Variants in SGTB observed in about 807,000 individuals in gnomAD.
SGTB encodes the protein small glutamine rich tetratricopeptide repeat co-chaperone beta, also known as small glutamine-rich tetratricopeptide repeat-containing protein beta.
SGTB carries 19 observed loss-of-function variants against 43.9 expected under a neutral mutation model. The ratio of observed to expected loss-of-function variants is 0.43; its 90% CI spans 0.30 to 0.63. The LOEUF is 0.63. Among genes scored for constraint, SGTB ranks in the 30% least tolerant of loss-of-function variants. SGTB has a pLI of 0.12. For missense variants in SGTB, 304 were observed against 358.9 expected, an observed-to-expected ratio of 0.85 and a Z score of 1.24; for synonymous variants, 116 against 117.3, an observed-to-expected ratio of 0.99 and a Z score of 0.07.
intron 6 of SGTB, 73 bp from the exon 7 acceptor site, chr5:65,680,867 CGTCT>C (rs1757383731): frequency 5.5e-6 from 8 of 1,462,930 alleles, no homozygotes; most frequent in Non-Finnish European, 7.4e-6. Flanking sequence ...CATCGTCAAA[CGTCT>C]GTCTGTCTTG....
chr5:65,667,953 CTTTTTTTTTTT>C lies in SGTB; in HGVS notation c.*2282_*2292del, dbSNP rs201934842. ...ATAATTAGTCTCTTAGTCTCTTTTT[CTTTTTTTTTTT>C]TTTTTTGAAATGGAGTCTTGCTCTG... On this transcript the variant is annotated 3_prime_UTR_variant, in exon 11 of 11. Coordinates refer to ENST00000381007, the MANE Select transcript of SGTB (RefSeq NM_019072.3). 2.1e-5 allele frequency: 3 copies of C among 140,178 alleles called. No individual in the cohort carries two copies. The highest frequency in any genetic ancestry group is 3.1e-5 in the Non-Finnish European group (2 of 64,742). The allele number at this position is 140,178 out of a possible 1,614,324, so 8.7% of individuals were successfully genotyped here.
chr5:65,707,935 C>G (rs2150720723), intron 4 of SGTB, among the ~76,000 whole-genome samples: 1 of 152,274 alleles, frequency 6.6e-6, no homozygotes, highest in South Asian at 2.1e-4. Context: ...CCTCACCTGG[C>G]TCCCGTCTAT....
At chr5:65,671,230 A>G (rs545446763) in intron 10 of SGTB, among the ~76,000 whole-genome samples, 6 of 152,242 alleles carry the variant, frequency 3.9e-5, no homozygotes, top group African/African-American at 1.4e-4. Context: ...TTGGGAAAAA[A>G]TGGGGGATTA....
intron 8 of SGTB, among the ~76,000 whole-genome samples, chr5:65,674,135 G>A (rs1396879640): frequency 6.6e-6 from 1 of 152,164 alleles, no homozygotes; most frequent in Middle Eastern, 3.2e-3. Flanking sequence ...GAGTTTGCAA[G>A]GTATTCAAAA....
At chr5:65,696,960 GTGAGT>G (rs1199389229) in intron 5 of SGTB, among the ~76,000 whole-genome samples, 27 of 152,290 alleles carry the variant, frequency 1.8e-4, no homozygotes, top group African/African-American at 5.8e-4. Flanking sequence ...GTTCATCCTA[GTGAGT>G]TGAGTATGTA....
rs1481159431 is a variant in SGTB, at chr5:65,678,689, C to T, written c.681+1805G>A. Among the ~76,000 whole-genome samples the T allele has an allele frequency of 2.0e-5, 3 of 152,174 alleles. 1 individual carries two copies. The highest frequency in any genetic ancestry group is 1.3e-4 in the Admixed American group (2 of 15,272). ...CAGAACAGAGAACCCAGAAATAAGACTGCACACTCACAACCATCTGATCTT... is the reference window on the plus strand; with the variant it reads ...CAGAACAGAGAACCCAGAAATAAGATTGCACACTCACAACCATCTGATCTT... On this transcript the variant is annotated intron_variant, in intron 8 of 10. Transcript: ENST00000381007.
rs767959941 is a variant in SGTB at position 65,720,736 on chromosome 5, G to A, written c.72C>T (p.Tyr24=). The change falls in exon 2 of 11, where the codon TAC becomes TAT. Residue 24 remains tyrosine, a synonymous_variant. Transcript: ENST00000381007. ...FLREQSQMDT[Y]TSDEQESLEV... is the part of the protein sequence containing the mutation. The stretch of plus-strand genomic sequence containing the variant: ...CCAAACTTTCTTGTTCATCCGAGGT[G>A]TAAGTGTCCATCTGACTTTGTTCCC... 1 of 1,614,002 alleles carries A rather than the reference G, an allele frequency of 6.2e-7. No individual in the cohort carries two copies. The highest frequency in any genetic ancestry group is 8.5e-7 in the Non-Finnish European group (1 of 1,179,964).
chr5:65,671,768 T>A (rs1757160701), intron 10 of SGTB, 147 bp downstream of exon 10: 2 of 699,534 alleles, frequency 2.9e-6, no homozygotes, highest in Non-Finnish European at 4.7e-6. Context: ...TTCATGAACT[T>A]CTTTCAGATT....
At chr5:65,696,237 G>A (rs1010420947) in intron 5 of SGTB, among the ~76,000 whole-genome samples, 6 of 152,118 alleles carry the variant, frequency 3.9e-5, no homozygotes, top group Non-Finnish European at 8.8e-5. Flanking sequence ...TCACCTAAGA[G>A]GCCTTCCAAA....
Position 65,665,958 on chromosome 5 carries a change from C to T in SGTB, c.*4288G>A, listed in dbSNP as rs954770256. On this transcript the variant is annotated 3_prime_UTR_variant, in exon 11 of 11. Coordinates refer to ENST00000381007, the MANE Select transcript of SGTB (RefSeq NM_019072.3). ...TTTTCAATGCATCATTATTTATTGC[C>T]ATAACAAATTGTTTGGTCCAAAATG... 17 of 152,550 alleles carry T rather than the reference C, an allele frequency of 1.1e-4. No individual in the cohort carries two copies. Among genetic ancestry groups the T allele is most frequent in the African/African-American group, 4.1e-4 (17 of 41,544 alleles). The allele number at this position is 152,550 out of a possible 1,614,324, so 9.4% of individuals were successfully genotyped here. A position where few individuals can be genotyped will look rare whatever the true frequency, so the allele number is the denominator to read the frequency against.
At position 65,716,876 on chromosome 5, in the gene SGTB, A is replaced by C. The variant is rs1758162335; in HGVS notation, c.101-3812T>G. ...GAAGCCGAATGATATCACCAAAGAAATGGGTATAGATAATGAAAAGAAGAG... is the reference window on the plus strand; with the variant it reads ...GAAGCCGAATGATATCACCAAAGAACTGGGTATAGATAATGAAAAGAAGAG... On this transcript the variant is annotated intron_variant, in intron 2 of 10. Coordinates refer to ENST00000381007, the MANE Select transcript of SGTB (RefSeq NM_019072.3). Among the ~76,000 whole-genome samples the C allele has an allele frequency of 2.0e-5, 3 of 152,156 alleles. No homozygotes were observed. In the South Asian group the frequency reaches 6.2e-4, roughly 31 times the overall value.
At chr5:65,710,369 C>A (rs1047810652) in intron 3 of SGTB, among the ~76,000 whole-genome samples, 1 of 152,036 alleles carries the variant, frequency 6.6e-6, no homozygotes, top group Non-Finnish European at 1.5e-5. Flanking sequence ...AAATTATTTG[C>A]GAAAATTGCC....
chr5:65,699,718 A>G (rs1467043117), intron 5 of SGTB, among the ~76,000 whole-genome samples: 1 of 152,206 alleles, frequency 6.6e-6, no homozygotes, highest in African/African-American at 2.4e-5. Context: ...TCAGCCTTCC[A>G]AAGTGCTGGG....
At chr5:65,694,668 G>T (rs1422088804) in intron 5 of SGTB, among the ~76,000 whole-genome samples, 2 of 151,880 alleles carry the variant, frequency 1.3e-5, no homozygotes, top group African/African-American at 2.4e-5. Context: ...GTGGAGACAG[G>T]GGTTTCACCA....
In SGTB at chr5:65,707,442, T is replaced by A. The variant is rs1027951836; in HGVS notation, c.274+1047A>T. On this transcript the variant is annotated intron_variant, in intron 4 of 10. Coordinates refer to ENST00000381007, the MANE Select transcript of SGTB (RefSeq NM_019072.3). ...CACACACACACACACACACATATAT[T>A]TTTTTTTTTTTGAGATGGAGTCTCC... Among the ~76,000 whole-genome samples the A allele has an allele frequency of 3.2e-3, 386 of 121,790 alleles. 4 individuals carry two copies. Among genetic ancestry groups the A allele is most frequent in the African/African-American group, 0.01 (326 of 32,586 alleles). 79.9% of individuals were successfully genotyped at this position (121,790 alleles called of 152,430 possible).
intron 5 of SGTB, among the ~76,000 whole-genome samples, chr5:65,693,679 A>G (rs1183952015): frequency 6.6e-6 from 1 of 152,184 alleles, no homozygotes; most frequent in African/African-American, 2.4e-5. Context: ...TTTGTGGAAT[A>G]CCTATAATAT....
intron 8 of SGTB, among the ~76,000 whole-genome samples, chr5:65,677,137 C>T (rs1757281919): frequency 6.6e-6 from 1 of 151,632 alleles, no homozygotes; most frequent in African/African-American, 2.4e-5. Context: ...AATGATATTA[C>T]CACTGACCCC....
intron 1 of SGTB, among the ~76,000 whole-genome samples, chr5:65,721,524 G>A (rs1758279293): frequency 6.6e-6 from 1 of 152,178 alleles, no homozygotes; most frequent in South Asian, 2.1e-4. Context: ...CGCAGGGCCA[G>A]GCGGCATTCA....
chr5:65,718,582 G>A (rs978578696), intron 2 of SGTB, among the ~76,000 whole-genome samples: 16 of 152,164 alleles, frequency 1.1e-4, no homozygotes, highest in Non-Finnish European at 1.8e-4. Context: ...TAATCTGATG[G>A]CAAGACAAAG....
Sources: gnomAD v4.1 joint callset for allele counts (sites outside exome capture counted in the v4.1 genomes callset) on GRCh38, gnomAD v4.1.1 for gene constraint, MANE v1.5 for transcripts, NCBI Gene and HGNC (gene_info 2026-07-23, HGNC 2026-07-21) for gene names.